The following TMC1 variants were observed in gnomAD, a reference collection of about 807,000 sequenced individuals.
TMC1 encodes transmembrane channel-like protein 1.
TMC1 carries 84 observed loss-of-function variants against 105.8 expected under a neutral mutation model. The ratio of observed to expected loss-of-function variants is 0.79; its 90% confidence interval spans 0.67 to 0.95. The LOEUF (loss-of-function observed/expected upper bound fraction) is 0.95. Ranked by LOEUF, TMC1 falls within the 40% of genes least tolerant of loss-of-function variation. The pLI is 0.00. For synonymous variants in TMC1, 315 were observed against 311.5 expected (o/e 1.01, Z -0.12); for missense variants, 817 against 914.1 (o/e 0.89, Z 1.37).
At chr9:72,827,131 G>A (rs1828970107) in intron 21 of TMC1, 137 bp downstream of exon 21, 4 of 1,145,460 alleles carry the variant, frequency 3.5e-6, no homozygotes, top group South Asian at 2.5e-5. Flanking sequence ...TGATTACATG[G>A]TGGTGAGAGG....
intron 17 of TMC1, among the ~76,000 whole-genome samples, chr9:72,804,502 G>C (rs1057357232): frequency 2.6e-5 from 4 of 152,148 alleles, no homozygotes; most frequent in African/African-American, 9.7e-5. Flanking sequence ...ATATACCATT[G>C]TGCAGACATT....
intron 2 of TMC1, among the ~76,000 whole-genome samples, chr9:72,584,682 C>T (rs1003616185): frequency 3.3e-5 from 5 of 151,504 alleles, no homozygotes; most frequent in Admixed American, 6.6e-5. Context: ...AGAGGTGAGG[C>T]GAGTAGAATT....
At chr9:72,703,367 T>C (rs1035226174) in intron 8 of TMC1, among the ~76,000 whole-genome samples, 2 of 152,192 alleles carry the variant, frequency 1.3e-5, no homozygotes, top group Non-Finnish European at 2.9e-5. Context: ...CCTCAAGCCA[T>C]CTTCCTACCT....
chr9:72,735,120 C>G (rs1827275834), intron 8 of TMC1, among the ~76,000 whole-genome samples: 3 of 152,128 alleles, frequency 2.0e-5, no homozygotes, highest in Admixed American at 2.0e-4. Flanking sequence ...TTAAATAGAC[C>G]TCGCTCAATT....
intron 1 of TMC1, among the ~76,000 whole-genome samples, chr9:72,535,888 C>G (rs1315204892): frequency 6.6e-6 from 1 of 152,186 alleles, no homozygotes; most frequent in Non-Finnish European, 1.5e-5. Context: ...AACTCACTGA[C>G]TCTTTCTACA....
At chr9:72,786,894 A>T (rs990764923) in intron 13 of TMC1, among the ~76,000 whole-genome samples, 11 of 152,140 alleles carry the variant, frequency 7.2e-5, no homozygotes, top group African/African-American at 2.7e-4. Flanking sequence ...GGCCATTTTT[A>T]CTTGAAGCCC....
At chr9:72,783,090 A>T (rs927210379) in intron 13 of TMC1, among the ~76,000 whole-genome samples, 3 of 152,196 alleles carry the variant, frequency 2.0e-5, no homozygotes, top group Non-Finnish European at 4.4e-5. Flanking sequence ...CATGATACTG[A>T]TAGAAAAACA....
At chr9:72,575,163 C>T (rs1824357874) in intron 1 of TMC1, among the ~76,000 whole-genome samples, 1 of 152,078 alleles carries the variant, frequency 6.6e-6, no homozygotes, top group African/African-American at 2.4e-5. Context: ...GTTGATATTC[C>T]ACAACAGCAA....
chr9:72,615,792 C>T (rs553459913), intron 2 of TMC1, among the ~76,000 whole-genome samples: 1 of 149,298 alleles, frequency 6.7e-6, no homozygotes, highest in Non-Finnish European at 1.5e-5. Flanking sequence ...CTCACTCAGT[C>T]GCTCGGGCTG....
chr9:72,710,166 T>C (rs1270536699), intron 8 of TMC1, among the ~76,000 whole-genome samples: 1 of 152,180 alleles, frequency 6.6e-6, no homozygotes, highest in Admixed American at 6.5e-5. Flanking sequence ...GATTGGAGGA[T>C]TTCTTTTGAT....
At chr9:72,626,905 T>A (rs1282922121) in intron 3 of TMC1, among the ~76,000 whole-genome samples, 3 of 152,102 alleles carry the variant, frequency 2.0e-5, no homozygotes, top group Non-Finnish European at 4.4e-5. Flanking sequence ...CATTAAACCA[T>A]CACATCACAT....
chr9:72,736,280 T>G (rs1827295848), intron 8 of TMC1, among the ~76,000 whole-genome samples: 1 of 152,200 alleles, frequency 6.6e-6, no homozygotes, highest in Admixed American at 6.5e-5. Flanking sequence ...TGACAAAAAC[T>G]TTATTAATGC....
At chr9:72,766,601 G>T (rs979732654) in intron 12 of TMC1, among the ~76,000 whole-genome samples, 1 of 152,058 alleles carries the variant, frequency 6.6e-6, no homozygotes, top group African/African-American at 2.4e-5. Context: ...CCCTGTGTAG[G>T]CAGGAGGCAG....
chr9:72,788,998 T>G (rs1828217322), intron 14 of TMC1, 125 bp from the exon 15 acceptor site: 3 of 956,182 alleles, frequency 3.1e-6, no homozygotes, highest in Non-Finnish European at 4.8e-6. Flanking sequence ...CAGATTTAGT[T>G]TACATTGTCA....
At chr9:72,617,839 T>C (rs1319988174) in intron 3 of TMC1, among the ~76,000 whole-genome samples, 1 of 151,832 alleles carries the variant, frequency 6.6e-6, no homozygotes, top group African/African-American at 2.4e-5. Flanking sequence ...CAGGAAGCGC[T>C]GTTAAGTGAA....
intron 2 of TMC1, among the ~76,000 whole-genome samples, chr9:72,599,562 A>C (rs540253297): frequency 2.8e-4 from 42 of 152,136 alleles, no homozygotes; most frequent in Non-Finnish European, 5.0e-4. Flanking sequence ...ACAGATTTTC[A>C]TATCTCTCTA....
chr9:72,524,115 A>G (rs187104219), intron 1 of TMC1, among the ~76,000 whole-genome samples: 1 of 152,098 alleles, frequency 6.6e-6, no homozygotes, highest in Admixed American at 6.5e-5. Flanking sequence ...AGCATCTTTT[A>G]TTTCTTCACC....
intron 12 of TMC1, among the ~76,000 whole-genome samples, chr9:72,762,351 GCT>G (rs1827770535): frequency 6.6e-6 from 1 of 152,130 alleles, no homozygotes. Flanking sequence ...GCATCTGGAG[GCT>G]CTCTCTCAAA....
At position 72,651,550 on chromosome 9, in the gene TMC1, G is replaced by C. The variant is rs1379170415; in HGVS notation, c.16+2886G>C. ...TGGGATTTGGGCAGAGCCATAGAAAGAAAGGGAACATTCAAGGGAATTTGA... is the reference window on the plus strand; with the variant it reads ...TGGGATTTGGGCAGAGCCATAGAAACAAAGGGAACATTCAAGGGAATTTGA... On this transcript the variant is annotated intron_variant, in intron 5 of 23. Transcript: ENST00000297784. The C allele has an allele frequency of 2.0e-5, 3 of 152,016 alleles. No homozygotes were observed. In the East Asian group the frequency reaches 5.8e-4, roughly 29 times the overall value. 9.4% of individuals were successfully genotyped at this position (152,016 alleles called of 1,614,324 possible). A position where few individuals can be genotyped will look rare whatever the true frequency, so the allele number is the denominator to read the frequency against.
Sources: gnomAD v4.1 joint callset for allele counts (sites outside exome capture counted in the v4.1 genomes callset) on GRCh38, gnomAD v4.1.1 for gene constraint, MANE v1.5 for transcripts, NCBI Gene and HGNC (gene_info 2026-07-23, HGNC 2026-07-21) for gene names.